Variants in INTS9 observed in about 807,000 individuals in gnomAD.
INTS9 encodes the protein protein related to CPSF subunits of 74 kDa.
INTS9 carries 55 observed loss-of-function variants against 79.7 expected under a neutral mutation model. The observed-to-expected ratio is 0.69, with a 90% CI of 0.56 to 0.86. The LOEUF (loss-of-function observed/expected upper bound fraction) is 0.86. Among genes scored for constraint, INTS9 ranks in the 40% least tolerant of loss-of-function variants. The pLI is 0.00. For synonymous variants in INTS9, 319 were observed against 325.2 expected (o/e 0.98, Z 0.20); for missense variants, 721 against 831.5 (o/e 0.87, Z 1.64).
At chr8:28,787,410 G>A (rs1183119811) in intron 11 of INTS9, among the ~76,000 whole-genome samples, 1 of 152,130 alleles carries the variant, frequency 6.6e-6, no homozygotes. Context: ...ACAGAAGCAG[G>A]CTATGAATTG....
intron 6 of INTS9, among the ~76,000 whole-genome samples, chr8:28,832,524 T>C (rs186198468): frequency 1.3e-5 from 2 of 152,286 alleles, no homozygotes; most frequent in East Asian, 3.9e-4. Context: ...GCATAAGAGG[T>C]GGCCCAGCAA....
chr8:28,844,494 C>T (rs960067740), intron 4 of INTS9, among the ~76,000 whole-genome samples: 9 of 151,620 alleles, frequency 5.9e-5, no homozygotes, highest in East Asian at 2.0e-4. Flanking sequence ...GAGCTGAGAT[C>T]GCACCACTGC....
intron 3 of INTS9, among the ~76,000 whole-genome samples, chr8:28,847,950 G>A (rs1300882259): frequency 6.6e-6 from 1 of 152,198 alleles, no homozygotes; most frequent in Non-Finnish European, 1.5e-5. Context: ...ATTTTGTGCA[G>A]CCTCAGGAAA....
intron 4 of INTS9, among the ~76,000 whole-genome samples, chr8:28,838,638 T>C (rs1806968367): frequency 6.6e-6 from 1 of 152,112 alleles, no homozygotes; most frequent in Non-Finnish European, 1.5e-5. Flanking sequence ...TTATTTCTTT[T>C]TGAGACAGAG....
chr8:28,771,028 G>A lies in INTS9; in HGVS notation c.1616C>T (p.Thr539Ile). Reference sequence around the variant, plus strand: ...TTTGGTGTGCAGCACGGCCGAGACAGTTGCCAAGGAGATGCCAGGCTTGAT... The same window carrying A: ...TTTGGTGTGCAGCACGGCCGAGACAATTGCCAAGGAGATGCCAGGCTTGAT... ...MEIKPGISLA[T>I]VSAVLHTKDN... The change falls in exon 15 of 17, where the codon ACT becomes ATT. Residue 539 changes from threonine (T) to isoleucine (I), a missense_variant. Around this residue, in one of 3 missense-constraint regions of INTS9, gnomAD observed 281 missense variants for 300.8 expected, o/e 0.93. Transcript: ENST00000521022. 2 of 1,613,666 alleles carry A rather than the reference G, an allele frequency of 1.2e-6. No homozygotes were observed. Among genetic ancestry groups the A allele is most frequent in the Non-Finnish European group, 1.7e-6 (2 of 1,179,826 alleles).
intron 4 of INTS9, among the ~76,000 whole-genome samples, chr8:28,844,563 C>T (rs757202157): frequency 2.6e-4 from 39 of 151,750 alleles, no homozygotes; most frequent in South Asian, 1.0e-3. Flanking sequence ...TGGTGGGTCA[C>T]GCCTGTAATC....
At chr8:28,784,012 G>C (rs1803445036) in intron 11 of INTS9, 1 of 152,042 alleles carries the variant, frequency 6.6e-6, no homozygotes, top group Non-Finnish European at 1.5e-5. Flanking sequence ...TTTGCCAATT[G>C]GATCTACCTT....
chr8:28,888,679 G>A (rs1043420309), intron 1 of INTS9, among the ~76,000 whole-genome samples: 1 of 152,176 alleles, frequency 6.6e-6, no homozygotes, highest in Non-Finnish European at 1.5e-5. Flanking sequence ...CCAGGGGTAA[G>A]TTGCTATTCT....
At chr8:28,889,407 T>C (rs1432682312) in intron 1 of INTS9, among the ~76,000 whole-genome samples, 2 of 152,214 alleles carry the variant, frequency 1.3e-5, no homozygotes, top group Admixed American at 1.3e-4. Flanking sequence ...GAGGAGTCTA[T>C]ATAACAGGAT....
chr8:28,820,603 T>C (rs1356839082), intron 6 of INTS9, among the ~76,000 whole-genome samples: 1 of 152,192 alleles, frequency 6.6e-6, no homozygotes, highest in East Asian at 1.9e-4. Context: ...AATCTGACAA[T>C]TACGTGTCTT....
chr8:28,825,958 A>C (rs1806117951), intron 6 of INTS9, among the ~76,000 whole-genome samples: 1 of 152,194 alleles, frequency 6.6e-6, no homozygotes, highest in Non-Finnish European at 1.5e-5. Context: ...TCATAAACTT[A>C]CGTTCTACAA....
chr8:28,846,596 A>T (rs1807528378), intron 4 of INTS9, 151 bp downstream of exon 4: 3 of 618,254 alleles, frequency 4.9e-6, no homozygotes, highest in East Asian at 5.4e-5. Flanking sequence ...CTAAATGATG[A>T]CATTTTGGCT....
intron 4 of INTS9, among the ~76,000 whole-genome samples, chr8:28,844,152 G>A (rs548119823): frequency 2.0e-5 from 3 of 152,266 alleles, no homozygotes; most frequent in African/African-American, 7.2e-5. Flanking sequence ...TTATGCCTAT[G>A]ATTAAATACT....
chr8:28,861,329 T>C (rs927482527), intron 1 of INTS9, among the ~76,000 whole-genome samples: 1 of 152,224 alleles, frequency 6.6e-6, no homozygotes, highest in Non-Finnish European at 1.5e-5. Flanking sequence ...CTAAGAACTA[T>C]TTGTTAAAGA....
intron 1 of INTS9, among the ~76,000 whole-genome samples, chr8:28,884,008 T>C (rs1223217564): frequency 6.6e-6 from 1 of 152,014 alleles, no homozygotes; most frequent in Non-Finnish European, 1.5e-5. Flanking sequence ...AGCAAACCAG[T>C]CACAAAACAA....
At chr8:28,814,314 ACACACACACACACACACACACTCT>A (rs1329170040) in intron 6 of INTS9, among the ~76,000 whole-genome samples, 2 of 149,826 alleles carry the variant, frequency 1.3e-5, no homozygotes, top group Non-Finnish European at 3.0e-5. Flanking sequence ...ACACACACAC[ACACACACACACACACACACACTCT>A]CACACACACA....
intron 1 of INTS9, among the ~76,000 whole-genome samples, chr8:28,878,797 T>C (rs938864584): frequency 2.0e-5 from 3 of 151,602 alleles, no homozygotes; most frequent in Non-Finnish European, 4.4e-5. Context: ...CTGACCAACA[T>C]GGAAAAACCC....
At chr8:28,776,962 G>A (rs920027816) in intron 13 of INTS9, among the ~76,000 whole-genome samples, 4 of 152,162 alleles carry the variant, frequency 2.6e-5, no homozygotes, top group Admixed American at 6.5e-5. Flanking sequence ...CAGGCCCCAC[G>A]TTTGCTGTCT....
chr8:28,846,511 G>C (rs1450345187), intron 4 of INTS9, among the ~76,000 whole-genome samples: 2 of 152,170 alleles, frequency 1.3e-5, no homozygotes, highest in East Asian at 3.8e-4. Context: ...AGGAGTATTA[G>C]TGGGGATTAC....
Sources: gnomAD v4.1 joint callset for allele counts (sites outside exome capture counted in the v4.1 genomes callset) on GRCh38, gnomAD v4.1.1 for gene constraint, gnomAD v4.1.1 regional missense constraint, MANE v1.5 for transcripts, NCBI Gene and HGNC (gene_info 2026-07-23, HGNC 2026-07-21) for gene names.